Variants in CNKSR2 observed in about 807,000 individuals in gnomAD.
The protein encoded by CNKSR2 is CNK homolog protein 2.
Under a neutral mutation model 84.4 loss-of-function variants are expected in CNKSR2, and 14 were observed. The ratio of observed to expected loss-of-function variants is 0.17; its 90% confidence interval spans 0.11 to 0.26. The LOEUF is 0.26. Among genes scored for constraint, CNKSR2 ranks in the 10% least tolerant of loss-of-function variants. CNKSR2 has a pLI of 1.00. For missense variants in CNKSR2, 485 were observed against 771.2 expected (o/e 0.63, Z 4.40); for synonymous variants, 275 against 277.9 (o/e 0.99, Z 0.10).
rs2089765977 is a variant in CNKSR2, at chrX:21,374,492, G to C, written c.-406G>C. ...TGAGGCGAGCGGGCAAGTTGGCTGA[G>C]GGCGTGCGGCAGAGGCTGCTTCCCT... is the stretch of plus-strand genomic sequence containing the variant. On this transcript the variant is annotated 5_prime_UTR_variant, in exon 1 of 22. Coordinates refer to ENST00000379510, the MANE Select transcript of CNKSR2 (RefSeq NM_014927.5). 4 of 374,932 alleles carry C rather than the reference G, an allele frequency of 1.1e-5. No homozygotes were observed. In the South Asian group the frequency reaches 1.3e-4, roughly 13 times the overall value. 30.9% of individuals were successfully genotyped at this position (374,932 alleles called of 1,213,427 possible).
chrX:21,496,158 A>G (rs2091497389), intron 6 of CNKSR2, among the ~76,000 whole-genome samples: 1 of 111,816 alleles, frequency 8.9e-6, no homozygotes, highest in Non-Finnish European at 1.9e-5. Flanking sequence ...CCACCATCGT[A>G]TATATAGTTC....
In CNKSR2 at chrX:21,374,593, A is replaced by AGGCAGCAGCAGC. The variant is rs1486586767; in HGVS notation, c.-304_-293dup. 5 of 445,161 alleles carry AGGCAGCAGCAGC rather than the reference A, an allele frequency of 1.1e-5. No individual in the cohort carries two copies. Among genetic ancestry groups the AGGCAGCAGCAGC allele is most frequent in the Admixed American group, 3.0e-5 (1 of 32,898 alleles). The allele number at this position is 445,161 out of a possible 1,213,427, so 36.7% of individuals were successfully genotyped here. ...GACGGAGACCGGAGCGGAGCGGCGG[A>AGGCAGCAGCAGC]GGCAGCAGCAGCAGCAGCAGCAGCA... is the stretch of plus-strand genomic sequence containing the variant. On this transcript the variant is annotated 5_prime_UTR_variant, in exon 1 of 22. Transcript: ENST00000379510.
In CNKSR2 at chrX:21,522,053, A is replaced by G. The variant is rs773659040; in HGVS notation, c.958-4814A>G. ...ACATGGTCAAGAAACTAAAAATTAT[A>G]TGTGAATTCTTGCTGCTTAAAATTC... On this transcript the variant is annotated intron_variant, in intron 9 of 21. Transcript: ENST00000379510. Among the ~76,000 whole-genome samples the G allele has an allele frequency of 8.1e-5, 9 of 111,350 alleles. No individual in the cohort carries two copies. The South Asian group carries it at 3.3e-3, about 41-fold the overall frequency.
At chrX:21,389,712 A>C (rs952112514) in intron 1 of CNKSR2, among the ~76,000 whole-genome samples, 1 of 112,228 alleles carries the variant, frequency 8.9e-6, no homozygotes, top group African/African-American at 3.2e-5. Flanking sequence ...TAATTCTCAA[A>C]ATGCTCCCAG....
rs918740406 is a variant in CNKSR2 at position 21,589,397 on chromosome X, A to G, written c.1609-1175A>G. Among the ~76,000 whole-genome samples the G allele has an allele frequency of 2.7e-5, 3 of 112,214 alleles. No homozygotes were observed. The Admixed American group carries it at 2.8e-4, about 11-fold the overall frequency. ...AATTTATTGTGAAAAAAGACCAGCAAATTTTATATAAGCAAAATCCAGTTG... is the reference window on the plus strand; with the variant it reads ...AATTTATTGTGAAAAAAGACCAGCAGATTTTATATAAGCAAAATCCAGTTG... On this transcript the variant is annotated intron_variant, in intron 13 of 21. Transcript: ENST00000379510.
chrX:21,415,767 C>A (rs2090409226), intron 1 of CNKSR2, among the ~76,000 whole-genome samples: 1 of 104,969 alleles, frequency 9.5e-6, no homozygotes, highest in Admixed American at 1.0e-4. Flanking sequence ...CACATGTACC[C>A]TAGAACTTAA....
intron 1 of CNKSR2, among the ~76,000 whole-genome samples, chrX:21,376,960 A>C (rs1383958562): frequency 8.9e-6 from 1 of 112,519 alleles, no homozygotes; most frequent in East Asian, 2.8e-4. Context: ...CCAGTACACC[A>C]GTCCTTTAAA....
intron 1 of CNKSR2, among the ~76,000 whole-genome samples, chrX:21,394,343 A>G (rs1209165072): frequency 1.8e-5 from 2 of 111,793 alleles, no homozygotes; most frequent in African/African-American, 6.5e-5. Context: ...TACTGATTTA[A>G]AAATGCATCT....
chrX:21,495,298 G>A (rs952357033), intron 6 of CNKSR2: 2 of 111,557 alleles, frequency 1.8e-5, no homozygotes, highest in African/African-American at 6.5e-5. Flanking sequence ...CAGAGATAAT[G>A]ATAGTTTCCA....
chrX:21,375,233 G>A (rs771816815), intron 1 of CNKSR2, among the ~76,000 whole-genome samples: 119 of 112,840 alleles, frequency 1.1e-3, no homozygotes, highest in Middle Eastern at 4.6e-3. Context: ...GCAGAATACC[G>A]GCGCATCTTG....
At chrX:21,593,308 A>G (rs2147254511) in intron 15 of CNKSR2, 1 of 111,899 alleles carries the variant, frequency 8.9e-6, no homozygotes, top group South Asian at 3.7e-4. Flanking sequence ...GTTTAATACT[A>G]CTCTTTTTCA....
Position 21,583,226 on chromosome X carries a change from T to C in CNKSR2, c.1609-7346T>C, listed in dbSNP as rs1356149128. Among the ~76,000 whole-genome samples the C allele has an allele frequency of 4.5e-5, 5 of 111,528 alleles. No individual in the cohort carries two copies. In the Admixed American group the frequency reaches 4.8e-4, roughly 11 times the overall value. ...CTACGGTGTGTGCAGTGCCACATCC[T>C]TCACCCTGATTGACTCCAAGTTTTT... is the stretch of plus-strand genomic sequence containing the variant. On this transcript the variant is annotated intron_variant, in intron 13 of 21. Coordinates refer to ENST00000379510, the MANE Select transcript of CNKSR2 (RefSeq NM_014927.5).
At chrX:21,505,106 A>G in intron 8 of CNKSR2, 1 of 195,428 alleles carries the variant, frequency 5.1e-6, no homozygotes, top group Non-Finnish European at 9.4e-6. Flanking sequence ...ATTGGGGCAT[A>G]TTTATAATCT....
At chrX:21,490,339 A>T in intron 5 of CNKSR2, 120 bp from the exon 6 acceptor site, 3 of 673,494 alleles carry the variant, frequency 4.5e-6, no homozygotes, top group Non-Finnish European at 6.5e-6. Flanking sequence ...TACAGAATAA[A>T]ATGCCAGTTA....
intron 9 of CNKSR2, among the ~76,000 whole-genome samples, chrX:21,523,572 G>C (rs370138260): frequency 1.4e-4 from 16 of 110,476 alleles, no homozygotes; most frequent in African/African-American, 4.6e-4. Flanking sequence ...TGCCAGGATA[G>C]GAGAAGCTAT....
intron 4 of CNKSR2, among the ~76,000 whole-genome samples, chrX:21,456,298 A>G (rs917534020): frequency 1.8e-5 from 2 of 111,560 alleles, no homozygotes; most frequent in African/African-American, 6.5e-5. Flanking sequence ...TACTGTCACC[A>G]TGCTGTACAT....
intron 1 of CNKSR2, among the ~76,000 whole-genome samples, chrX:21,376,886 G>A (rs1473655375): frequency 9.0e-6 from 1 of 111,583 alleles, no homozygotes; most frequent in Non-Finnish European, 1.9e-5. Context: ...TCTCTCCATA[G>A]TTTAGGTCCA....
rs2090722734 is a variant in CNKSR2, at chrX:21,437,443, A to G, written c.432-3251A>G. 3.3e-5 allele frequency among the ~76,000 whole-genome samples: 3 copies of G among 91,124 alleles called. No individual in the cohort carries two copies. In the South Asian group the frequency reaches 1.8e-3, roughly 55 times the overall value. The allele number at this position is 91,124 out of a possible 115,157, so 79.1% of individuals were successfully genotyped here. A position where few individuals can be genotyped will look rare whatever the true frequency, so the allele number is the denominator to read the frequency against. ...AGTTTTTTTTTTTTTTTTTTTTGAG[A>G]CAGTCTCACTCTGTCGCCCAGCCTA... On this transcript the variant is annotated intron_variant, in intron 3 of 21. Coordinates refer to ENST00000379510, the MANE Select transcript of CNKSR2 (RefSeq NM_014927.5).
At chrX:21,480,287 C>T (rs1047787932) in intron 5 of CNKSR2, among the ~76,000 whole-genome samples, 3 of 111,617 alleles carry the variant, frequency 2.7e-5, no homozygotes, top group Non-Finnish European at 5.6e-5. Flanking sequence ...GCTCCCAGGT[C>T]TCTGCCGTTT....
Sources: allele counts gnomAD v4.1 joint callset (sites outside exome capture counted in the v4.1 genomes callset), GRCh38; gene constraint gnomAD v4.1.1; transcripts MANE v1.5; gene names NCBI Gene and HGNC (gene_info 2026-07-23, HGNC 2026-07-21).